Variants in ALDH1A2 observed in about 807,000 individuals in gnomAD.
ALDH1A2 encodes aldehyde dehydrogenase 1 family member A2, also known as retinal dehydrogenase 2.
ALDH1A2 carries 27 observed loss-of-function variants against 60.3 expected under a neutral mutation model. That is an observed-to-expected ratio of 0.45 (90% CI 0.33 to 0.62). ALDH1A2 has a LOEUF of 0.62. Among genes scored for constraint, ALDH1A2 ranks in the 20% least tolerant of loss-of-function variants. The pLI, the probability that ALDH1A2 is intolerant of heterozygous loss-of-function variation, is 0.02. For missense variants in ALDH1A2, 581 were observed against 643.8 expected (o/e 0.90, Z 1.06); for synonymous variants, 289 against 232.4 (o/e 1.24, Z -2.21).
At chr15:57,968,668 A>T (rs1264253466) in intron 7 of ALDH1A2, among the ~76,000 whole-genome samples, 1 of 152,240 alleles carries the variant, frequency 6.6e-6, no homozygotes, top group African/African-American at 2.4e-5. Context: ...TATTCAAGAA[A>T]CAAGCAAAAG....
intron 7 of ALDH1A2, among the ~76,000 whole-genome samples, chr15:57,977,070 T>A (rs1347469251): frequency 6.6e-6 from 1 of 151,546 alleles, no homozygotes; most frequent in African/African-American, 2.4e-5. Flanking sequence ...GAAGTGTGTG[T>A]TCATATCCTT....
intron 10 of ALDH1A2, among the ~76,000 whole-genome samples, 170 bp from the exon 11 acceptor site, chr15:57,961,464 G>A (rs1893717772): frequency 6.6e-6 from 1 of 152,162 alleles, no homozygotes; most frequent in Non-Finnish European, 1.5e-5. Flanking sequence ...TGCAAGAAGA[G>A]TCTGACATTA....
In ALDH1A2 at chr15:58,014,191, G is replaced by C. The variant is rs763114869; in HGVS notation, c.208C>G (p.Gln70Glu). ...PATGEQVCEV[Q>E]EADKADIDKA... The stretch of plus-strand genomic sequence containing the variant: ...AAAAGACATACCTTGTCTGCTTCTT[G>C]AACTTCACACACCTGTTCTCCTGTG... Residue 70 changes from glutamine (Q) to glutamate (E), a missense_variant, in exon 2 of 13, where the codon CAA (glutamine) becomes GAA (glutamate). This residue lies in a region of ALDH1A2 where 206 missense variants were observed against 174.1 expected (regional missense o/e 1.18). Coordinates refer to ENST00000249750, the MANE Select transcript of ALDH1A2 (RefSeq NM_003888.4). 13 of 1,613,952 alleles carry C rather than the reference G, an allele frequency of 8.1e-6. No individual in the cohort carries two copies. The South Asian group carries it at 1.2e-4, about 15-fold the overall frequency.
At chr15:58,005,915 G>A (rs1895434898) in intron 4 of ALDH1A2, among the ~76,000 whole-genome samples, 1 of 151,398 alleles carries the variant, frequency 6.6e-6, no homozygotes, top group South Asian at 2.1e-4. Flanking sequence ...CATTATTTGT[G>A]GATTCCATAT....
At chr15:57,978,178 C>CTT (rs1407003728) in intron 7 of ALDH1A2, among the ~76,000 whole-genome samples, 1 of 152,180 alleles carries the variant, frequency 6.6e-6, no homozygotes, top group Non-Finnish European at 1.5e-5. Flanking sequence ...ATTGAATACC[C>CTT]TTTATTTCTT....
intron 8 of ALDH1A2, 131 bp from the exon 9 acceptor site, chr15:57,964,200 G>T: frequency 1.1e-6 from 1 of 936,962 alleles, no homozygotes; most frequent in Non-Finnish European, 1.6e-6. Context: ...GAATAGCCCT[G>T]GATTGGGAAT....
chr15:58,014,443 G>C lies in ALDH1A2; in HGVS notation c.118-162C>G, dbSNP rs141254371. On this transcript the variant is annotated intron_variant, in intron 1 of 12. Transcript: ENST00000249750. ...CCCTTCTAGACTCAACGCCAATTTA[G>C]GAATTTCCTCTATATTTTTGCTTTA... is the stretch of plus-strand genomic sequence containing the variant. 563 of 694,138 alleles carry C rather than the reference G, an allele frequency of 8.1e-4. 1 individual carries two copies. The African/African-American group carries it at 9.1e-3, about 11-fold the overall frequency. 43.0% of individuals were successfully genotyped at this position (694,138 alleles called of 1,614,324 possible).
At chr15:58,014,407 GT>G in intron 1 of ALDH1A2, 126 bp from the exon 2 acceptor site, 2 of 828,644 alleles carry the variant, frequency 2.4e-6, no homozygotes, top group Non-Finnish European at 2.0e-6. Flanking sequence ...AATTTGAAGT[GT>G]TTTAAGAGAC....
chr15:58,053,503 GAAAGCA>G (rs1896827074), intron 1 of ALDH1A2, among the ~76,000 whole-genome samples: 1 of 152,092 alleles, frequency 6.6e-6, no homozygotes, highest in Non-Finnish European at 1.5e-5. Flanking sequence ...AGCATTCAGT[GAAAGCA>G]AAATGTTTGG....
intron 5 of ALDH1A2, among the ~76,000 whole-genome samples, chr15:57,994,782 T>C (rs1230731311): frequency 6.6e-6 from 1 of 152,176 alleles, no homozygotes. Context: ...TAATTTTCCA[T>C]AAGCAGAATG....
In ALDH1A2 at chr15:58,010,692, G is replaced by A. The variant is rs112108159; in HGVS notation, c.450C>T (p.Tyr150=). ...LQGVIKTFRY[Y]AGWADKIHGM... ...CATGAATTTTATCAGCCCAGCCTGC[G>A]TAATATCGAAAGGTTTTGATGACGC... The change falls in exon 4 of 13, where the codon TAC becomes TAT. Residue 150 remains tyrosine (Y), a synonymous_variant. Transcript: ENST00000249750. The A allele has an allele frequency of 1.8e-4, 286 of 1,613,456 alleles. No individual in the cohort carries two copies. The highest frequency in any genetic ancestry group is 1.2e-3 in the African/African-American group (88 of 74,988).
chr15:58,010,361 C>T (rs947889560), intron 4 of ALDH1A2, among the ~76,000 whole-genome samples: 1 of 152,104 alleles, frequency 6.6e-6, no homozygotes, highest in Non-Finnish European at 1.5e-5. Flanking sequence ...CCTACCCCAG[C>T]ACCTAATCTA....
At chr15:57,985,288 TCA>T (rs1894659905) in intron 7 of ALDH1A2, among the ~76,000 whole-genome samples, 1 of 152,156 alleles carries the variant, frequency 6.6e-6, no homozygotes, top group African/African-American at 2.4e-5. Flanking sequence ...TCTTCCCAAT[TCA>T]CTCTACTTAT....
At chr15:57,957,924 G>A (rs138735305) in intron 12 of ALDH1A2, among the ~76,000 whole-genome samples, 20 of 152,116 alleles carry the variant, frequency 1.3e-4, no homozygotes, top group Non-Finnish European at 2.2e-4. Context: ...AGGGTGGGTG[G>A]GAGCGGGTCA....
chr15:57,980,128 G>A, intron 7 of ALDH1A2: 1 of 293,804 alleles, frequency 3.4e-6, no homozygotes, highest in South Asian at 3.6e-5. Context: ...TGGTACATTT[G>A]TTGGTGCCCA....
intron 1 of ALDH1A2, among the ~76,000 whole-genome samples, chr15:58,028,806 C>G (rs1445687009): frequency 1.3e-5 from 2 of 152,132 alleles, no homozygotes; most frequent in East Asian, 3.9e-4. Context: ...ACAAAAAAGG[C>G]CATTACATAA....
chr15:57,979,009 T>A (rs1159182192), intron 7 of ALDH1A2, among the ~76,000 whole-genome samples: 1 of 152,178 alleles, frequency 6.6e-6, no homozygotes. Flanking sequence ...CACTCCAGAC[T>A]GGGCAACAAC....
chr15:57,989,575 T>TA (rs1399716371), intron 7 of ALDH1A2, among the ~76,000 whole-genome samples: 2 of 152,308 alleles, frequency 1.3e-5, no homozygotes, highest in Middle Eastern at 3.4e-3. Flanking sequence ...TTATGAGCTC[T>TA]AAAACAGAAA....
chr15:57,980,438 G>A, intron 7 of ALDH1A2: 1 of 341,262 alleles, frequency 2.9e-6, no homozygotes. Flanking sequence ...GGGGAATGAG[G>A]CCGGCTGCAG....
Sources: gnomAD v4.1 joint callset for allele counts (sites outside exome capture counted in the v4.1 genomes callset) on GRCh38, gnomAD v4.1.1 for gene constraint, gnomAD v4.1.1 regional missense constraint, MANE v1.5 for transcripts, NCBI Gene and HGNC (gene_info 2026-07-23, HGNC 2026-07-21) for gene names.